The following FGFR2 variants were observed in gnomAD, a reference collection of about 807,000 sequenced individuals.
FGFR2 encodes the protein fibroblast growth factor receptor 2.
A neutral mutation model predicts 95.9 loss-of-function variants in FGFR2; 19 were observed. That is an observed-to-expected ratio of 0.20 (90% CI 0.14 to 0.29). FGFR2 has a LOEUF of 0.29. Among genes scored for constraint, FGFR2 ranks in the 10% least tolerant of loss-of-function variants. The pLI is 1.00. For synonymous variants in FGFR2, 392 were observed against 393.3 expected (o/e 1.00, Z 0.04); for missense variants, 707 against 1,056.9 (o/e 0.67, Z 4.59).
At chr10:121,581,020 T>C (rs1456534937) in intron 2 of FGFR2, among the ~76,000 whole-genome samples, 1 of 152,180 alleles carries the variant, frequency 6.6e-6, no homozygotes, top group African/African-American at 2.4e-5. Flanking sequence ...CTGACTCCCC[T>C]GGCCGCCCTC....
Position 121,593,657 on chromosome 10 carries a change from G to GC in FGFR2, c.109+51dup, listed in dbSNP as rs41301565. 3,314 of 1,499,420 alleles carry GC rather than the reference G, an allele frequency of 2.2e-3. 61 individuals carry two copies. The African/African-American group carries it at 0.041, about 19-fold the overall frequency. 92.9% of individuals were successfully genotyped at this position (1,499,420 alleles called of 1,614,324 possible). Reference sequence around the variant, plus strand: ...ATTCTAAAACAGGCCTTAACAATCTGCCCCCAGACAAATCCCAAAACAAAC... The same window carrying GC: ...ATTCTAAAACAGGCCTTAACAATCTGCCCCCCAGACAAATCCCAAAACAAAC... On this transcript the variant is annotated intron_variant, in intron 2 of 17. Transcript: ENST00000358487.
chr10:121,480,058 G>C, intron 17 of FGFR2, 37 bp from the exon 18 acceptor site: 1 of 1,584,322 alleles, frequency 6.3e-7, no homozygotes, highest in Non-Finnish European at 8.7e-7. Flanking sequence ...ATTTCATCTT[G>C]GGTCAGGATA....
At chr10:121,581,813 C>G (rs1860952253) in intron 2 of FGFR2, among the ~76,000 whole-genome samples, 1 of 150,766 alleles carries the variant, frequency 6.6e-6, no homozygotes, top group South Asian at 2.1e-4. Flanking sequence ...CTTCATAGTC[C>G]CAGTCCCTGG....
At chr10:121,502,913 GC>G (rs1406170248) in intron 10 of FGFR2, among the ~76,000 whole-genome samples, 1 of 152,096 alleles carries the variant, frequency 6.6e-6, no homozygotes, top group African/African-American at 2.4e-5. Context: ...CTCAAATTCT[GC>G]CCACTGACTC....
At chr10:121,554,101 A>G (rs1855773725) in intron 4 of FGFR2, among the ~76,000 whole-genome samples, 1 of 152,204 alleles carries the variant, frequency 6.6e-6, no homozygotes, top group Admixed American at 6.5e-5. Context: ...TGCTTCTGCA[A>G]AACACAGACA....
chr10:121,486,448 AT>A (rs397841402), intron 15 of FGFR2, among the ~76,000 whole-genome samples: 5 of 151,728 alleles, frequency 3.3e-5, no homozygotes, highest in Middle Eastern at 3.4e-3. Flanking sequence ...AGTTCAAGTG[AT>A]TTTTTTTTCC....
intron 9 of FGFR2, among the ~76,000 whole-genome samples, chr10:121,512,944 A>G (rs1355940059): frequency 6.6e-6 from 1 of 151,968 alleles, no homozygotes; most frequent in African/African-American, 2.4e-5. Flanking sequence ...ATCTTGGCTC[A>G]TTGCAACCTC....
intron 2 of FGFR2, among the ~76,000 whole-genome samples, chr10:121,581,575 CAAAAAAA>C (rs67205229): frequency 4.1e-5 from 5 of 122,004 alleles, no homozygotes; most frequent in South Asian, 2.7e-4. Context: ...CCATCTCTAC[CAAAAAAA>C]AAAAAAAAGA....
At chr10:121,581,680 A>G (rs1860912134) in intron 2 of FGFR2, among the ~76,000 whole-genome samples, 1 of 148,722 alleles carries the variant, frequency 6.7e-6, no homozygotes, top group Admixed American at 6.8e-5. Flanking sequence ...TGAGCCCAGG[A>G]GGTCCAGGAT....
intron 6 of FGFR2, 147 bp downstream of exon 6, chr10:121,538,445 G>T: frequency 1.7e-6 from 2 of 1,196,300 alleles, no homozygotes; most frequent in Non-Finnish European, 2.5e-6. Context: ...GACAGAAGCA[G>T]CCTTGTAAAA....
intron 2 of FGFR2, among the ~76,000 whole-genome samples, chr10:121,587,281 T>C (rs1237146987): frequency 2.0e-5 from 3 of 152,148 alleles, no homozygotes; most frequent in African/African-American, 2.4e-5. Flanking sequence ...GACTTAAATG[T>C]CAAATCCAAA....
chr10:121,483,571 C>T, intron 17 of FGFR2, 127 bp downstream of exon 17: 1 of 725,560 alleles, frequency 1.4e-6, no homozygotes, highest in East Asian at 2.7e-5. Context: ...CTATCTGACC[C>T]TATGGAAAAA....
At chr10:121,482,479 T>C (rs1844885197) in intron 17 of FGFR2, among the ~76,000 whole-genome samples, 1 of 152,334 alleles carries the variant, frequency 6.6e-6, no homozygotes, top group Admixed American at 6.5e-5. Flanking sequence ...AGAAATTAAG[T>C]GTATTATTTT....
intron 6 of FGFR2, among the ~76,000 whole-genome samples, chr10:121,525,533 C>CAA (rs1851240190): frequency 6.6e-6 from 1 of 152,122 alleles, no homozygotes; most frequent in Non-Finnish European, 1.5e-5. Context: ...TGGGCTCTGT[C>CAA]AAGCCCTGCT....
chr10:121,577,178 T>TATATAAATAGAG, intron 2 of FGFR2, among the ~76,000 whole-genome samples: 1 of 5,214 alleles, frequency 1.9e-4, no homozygotes, highest in Non-Finnish European at 3.3e-4. Context: ...TATATATATA[T>TATATAAATAGAG]AGAGAGAGAG....
At chr10:121,550,497 A>T (rs777481196) in intron 5 of FGFR2, among the ~76,000 whole-genome samples, 23 of 152,182 alleles carry the variant, frequency 1.5e-4, no homozygotes, top group Non-Finnish European at 3.1e-4. Context: ...CTAAAATTTC[A>T]TGGCATTGTG....
chr10:121,569,878 T>C (rs961537484), intron 2 of FGFR2, among the ~76,000 whole-genome samples: 10 of 152,208 alleles, frequency 6.6e-5, no homozygotes, highest in African/African-American at 2.2e-4. Flanking sequence ...ATGCCAGTAA[T>C]ACCCCTGGGT....
At chr10:121,515,062 A>G in intron 9 of FGFR2, 55 bp downstream of exon 9, 2 of 1,550,872 alleles carry the variant, frequency 1.3e-6, no homozygotes, top group South Asian at 1.1e-5. Context: ...AAGATCCACA[A>G]GCTGGCTGGG....
intron 10 of FGFR2, 92 bp downstream of exon 10, chr10:121,503,698 G>A: frequency 1.4e-6 from 2 of 1,406,136 alleles, no homozygotes; most frequent in South Asian, 1.2e-5. Flanking sequence ...CAAGACCTTT[G>A]TGGCTAAGGG....
Sources: allele counts gnomAD v4.1 joint callset (sites outside exome capture counted in the v4.1 genomes callset), GRCh38; gene constraint gnomAD v4.1.1; transcripts MANE v1.5; gene names NCBI Gene and HGNC (gene_info 2026-07-23, HGNC 2026-07-21).